The following SUSD1 variants were observed in gnomAD, a reference collection of about 807,000 sequenced individuals.
The protein encoded by SUSD1 is sushi domain containing 1, also known as sushi domain-containing protein 1.
Under a neutral mutation model 86.9 loss-of-function variants are expected in SUSD1, and 65 were observed. The ratio of observed to expected loss-of-function variants is 0.75; its 90% CI spans 0.61 to 0.92. SUSD1 has a LOEUF of 0.92. Ranked by LOEUF, SUSD1 falls within the 40% of genes least tolerant of loss-of-function variation. The pLI, the probability that SUSD1 is intolerant of heterozygous loss-of-function variation, is 0.00. For missense variants in SUSD1, 850 were observed against 929.7 expected, an observed-to-expected ratio of 0.91 and a Z score of 1.11; for synonymous variants, 346 against 350.0, an observed-to-expected ratio of 0.99 and a Z score of 0.13.
Position 112,069,690 on chromosome 9 carries a change from C to T in SUSD1, c.1754-6657G>A, listed in dbSNP as rs565473259. 2.7e-5 allele frequency among the ~76,000 whole-genome samples: 4 copies of T among 148,916 alleles called. No individual in the cohort carries two copies. In the East Asian group the frequency reaches 6.0e-4, roughly 22 times the overall value. The stretch of plus-strand genomic sequence containing the variant: ...GTGAGAACTCCGCCCCACCCCACCC[C>T]GCCCCGCCCCCACCAGCTCTTTACT... On this transcript the variant is annotated intron_variant, in intron 12 of 16. Transcript: ENST00000374270.
intron 15 of SUSD1, among the ~76,000 whole-genome samples, chr9:112,050,066 T>C (rs1374721780): frequency 6.6e-6 from 1 of 152,224 alleles, no homozygotes; most frequent in Non-Finnish European, 1.5e-5. Flanking sequence ...ATTATTTTTG[T>C]GTCTGGAAGC....
At chr9:112,101,764 T>G (rs1830644577) in intron 9 of SUSD1, among the ~76,000 whole-genome samples, 1 of 152,180 alleles carries the variant, frequency 6.6e-6, no homozygotes, top group South Asian at 2.1e-4. Flanking sequence ...GAGAATCGCT[T>G]GAACCCCGGA....
intron 15 of SUSD1, among the ~76,000 whole-genome samples, chr9:112,043,281 C>G (rs1183207910): frequency 6.6e-6 from 1 of 152,188 alleles, no homozygotes; most frequent in Non-Finnish European, 1.5e-5. Context: ...AACCTAAGAT[C>G]AGTGCTTGAG....
intron 14 of SUSD1, among the ~76,000 whole-genome samples, chr9:112,056,625 A>T (rs1031035560): frequency 2.2e-4 from 33 of 152,190 alleles, no homozygotes; most frequent in African/African-American, 7.5e-4. Context: ...AACATCCTAA[A>T]GAATAACCAC....
Position 112,142,409 on chromosome 9 carries a change from C to G in SUSD1, c.617G>C (p.Cys206Ser), listed in dbSNP as rs1191914296. Residue 206 changes from cysteine (C) to serine (S), a missense_variant, in exon 5 of 17, where the codon TGC becomes TCC. Coordinates refer to ENST00000374270, the MANE Select transcript of SUSD1 (RefSeq NM_022486.5). ...SSLGSQVRYA[C>S]REGFFSVPED... Reference sequence around the variant, plus strand: ...TGGAACACTGAAGAATCCTTCTCTGCAAGCATAACGAACCTGGCTGCCCAG... The same window carrying G: ...TGGAACACTGAAGAATCCTTCTCTGGAAGCATAACGAACCTGGCTGCCCAG... The G allele has an allele frequency of 5.6e-6, 9 of 1,614,098 alleles. No homozygotes were observed. The highest frequency in any genetic ancestry group is 3.3e-5 in the Admixed American group (2 of 60,006).
intron 12 of SUSD1, among the ~76,000 whole-genome samples, chr9:112,069,591 G>C (rs1047752060): frequency 6.6e-6 from 1 of 152,154 alleles, no homozygotes; most frequent in African/African-American, 2.4e-5. Context: ...TGTTGTCACA[G>C]TAAAATTAAC....
chr9:112,146,427 G>C (rs1449238932), intron 3 of SUSD1, among the ~76,000 whole-genome samples: 1 of 152,132 alleles, frequency 6.6e-6, no homozygotes, highest in Non-Finnish European at 1.5e-5. Context: ...TTTTACAAAA[G>C]AGAAGGTCAT....
chr9:112,059,464 C>T lies in SUSD1; in HGVS notation c.1851-778G>A, dbSNP rs539477686. On this transcript the variant is annotated intron_variant, in intron 13 of 16. Coordinates refer to ENST00000374270, the MANE Select transcript of SUSD1 (RefSeq NM_022486.5). ...GTCCGGAAAAAAGGCTGCAGACAGT[C>T]ATGCGGTGACCTGAAACAGAACTCA... 4.9e-4 allele frequency among the ~76,000 whole-genome samples: 75 copies of T among 152,328 alleles called. 1 individual carries two copies. The South Asian group carries it at 0.015, about 31-fold the overall frequency.
At chr9:112,044,297 C>A (rs980285128) in intron 15 of SUSD1, among the ~76,000 whole-genome samples, 5 of 152,132 alleles carry the variant, frequency 3.3e-5, no homozygotes, top group Non-Finnish European at 5.9e-5. Context: ...ATACTGGAGT[C>A]AGATGTCCAA....
intron 1 of SUSD1, among the ~76,000 whole-genome samples, chr9:112,163,221 C>T (rs1296028023): frequency 1.3e-5 from 2 of 152,044 alleles, no homozygotes; most frequent in South Asian, 2.1e-4. Flanking sequence ...AATGGTGTGA[C>T]GACAGCTCAC....
intron 3 of SUSD1, 31 bp from the exon 4 acceptor site, chr9:112,143,654 G>T: frequency 1.3e-6 from 2 of 1,527,962 alleles, no homozygotes. Context: ...GAGAAAAGGA[G>T]ATAAAAACAG....
chr9:112,066,470 TG>T (rs1828983130), intron 12 of SUSD1, among the ~76,000 whole-genome samples: 1 of 151,736 alleles, frequency 6.6e-6, no homozygotes, highest in South Asian at 2.1e-4. Context: ...GCACAGAGAG[TG>T]GCAACAGAAG....
intron 12 of SUSD1, among the ~76,000 whole-genome samples, chr9:112,073,760 A>T (rs1389298840): frequency 1.3e-5 from 2 of 152,014 alleles, no homozygotes; most frequent in African/African-American, 2.4e-5. Flanking sequence ...GGGGCTGGTG[A>T]TGTGTGCCTG....
chr9:112,105,665 G>C (rs1305962064), intron 8 of SUSD1, among the ~76,000 whole-genome samples: 1 of 152,186 alleles, frequency 6.6e-6, no homozygotes, highest in East Asian at 1.9e-4. Flanking sequence ...GTTGCAATGA[G>C]CCAATATCAC....
intron 6 of SUSD1, among the ~76,000 whole-genome samples, chr9:112,119,621 T>C (rs762867726): frequency 5.3e-5 from 8 of 152,242 alleles, no homozygotes; most frequent in Non-Finnish European, 8.8e-5. Context: ...AAATGGCCTG[T>C]GCAGAATGGA....
At chr9:112,080,406 G>C (rs910534072) in intron 10 of SUSD1, among the ~76,000 whole-genome samples, 2 of 152,094 alleles carry the variant, frequency 1.3e-5, no homozygotes, top group African/African-American at 4.8e-5. Context: ...TATTTGAGTG[G>C]GCCGGGCACA....
At chr9:112,156,032 G>A (rs550682011) in intron 2 of SUSD1, among the ~76,000 whole-genome samples, 3 of 151,448 alleles carry the variant, frequency 2.0e-5, no homozygotes, top group Admixed American at 6.6e-5. Context: ...AGAGAGAGAA[G>A]GAAGAGAAGA....
intron 8 of SUSD1, chr9:112,103,026 T>C: frequency 2.8e-6 from 1 of 358,228 alleles, no homozygotes; most frequent in South Asian, 2.3e-5. Flanking sequence ...ATAATATCAG[T>C]GATTTTCAAG....
At chr9:112,161,144 G>A (rs961105045) in intron 1 of SUSD1, among the ~76,000 whole-genome samples, 3 of 151,506 alleles carry the variant, frequency 2.0e-5, no homozygotes, top group South Asian at 2.1e-4. Context: ...TTGGGAGGCT[G>A]AGGCAGGTGG....
Sources: gnomAD v4.1 joint callset for allele counts (sites outside exome capture counted in the v4.1 genomes callset) on GRCh38, gnomAD v4.1.1 for gene constraint, MANE v1.5 for transcripts, NCBI Gene and HGNC (gene_info 2026-07-23, HGNC 2026-07-21) for gene names.